Variants in CDH18 observed in about 807,000 individuals in gnomAD.
CDH18 encodes the protein cadherin 18, also known as cadherin-18.
Under a neutral mutation model 67.9 loss-of-function variants are expected in CDH18, and 31 were observed. The ratio of observed to expected loss-of-function variants is 0.46; its 90% CI spans 0.34 to 0.62. CDH18 has a LOEUF of 0.62. Ranked by LOEUF, CDH18 falls within the 20% of genes least tolerant of loss-of-function variation. The pLI, the probability that CDH18 is intolerant of heterozygous loss-of-function variation, is 0.01. For synonymous variants in CDH18, 362 were observed against 347.2 expected, an observed-to-expected ratio of 1.04 and a Z score of -0.48; for missense variants, 890 against 975.5, an observed-to-expected ratio of 0.91 and a Z score of 1.17.
intron 1 of CDH18, among the ~76,000 whole-genome samples, chr5:20,266,413 T>A (rs1745034630): frequency 6.6e-6 from 1 of 152,066 alleles, no homozygotes; most frequent in Middle Eastern, 3.4e-3. Flanking sequence ...AAAGTATGTT[T>A]GTTTGTTTGA....
chr5:20,117,834 T>C (rs887320797), intron 2 of CDH18, among the ~76,000 whole-genome samples: 2 of 152,316 alleles, frequency 1.3e-5, no homozygotes, highest in Admixed American at 6.5e-5. Context: ...GGTAGCAATA[T>C]TGAAAGCACA....
At chr5:20,203,493 C>T (rs573759222) in intron 2 of CDH18, among the ~76,000 whole-genome samples, 2 of 151,822 alleles carry the variant, frequency 1.3e-5, no homozygotes, top group South Asian at 2.1e-4. Context: ...GGACAGGAAG[C>T]GCTTTGATAG....
intron 1 of CDH18, among the ~76,000 whole-genome samples, chr5:20,369,310 T>G (rs1300912209): frequency 6.6e-6 from 1 of 152,188 alleles, no homozygotes; most frequent in Admixed American, 6.6e-5. Flanking sequence ...AACATTTGTC[T>G]CTCAAGTGTC....
intron 5 of CDH18, among the ~76,000 whole-genome samples, chr5:19,651,127 C>T (rs557150825): frequency 1.0e-3 from 153 of 152,024 alleles, no homozygotes; most frequent in Non-Finnish European, 1.6e-3. Context: ...CAATCAAAGA[C>T]GATGTGTGTG....
At chr5:20,376,110 T>TTTTTTTTTTTTTTTTTTTTTTG in intron 1 of CDH18, among the ~76,000 whole-genome samples, 1 of 129,702 alleles carries the variant, frequency 7.7e-6, no homozygotes, top group Non-Finnish European at 1.7e-5. Flanking sequence ...TTTTTTTTTT[T>TTTTTTTTTTTTTTTTTTTTTTG]TGAGACGGAG....
At chr5:19,516,537 G>GGTCTATTC (rs1746036943) in intron 10 of CDH18, among the ~76,000 whole-genome samples, 1 of 152,030 alleles carries the variant, frequency 6.6e-6, no homozygotes, top group Admixed American at 6.6e-5. Context: ...GGCTGTTATT[G>GGTCTATTC]GTCTATTCAG....
At position 19,541,774 on chromosome 5, in the gene CDH18, A is replaced by T. The variant is rs538506285; in HGVS notation, c.1390+2095T>A. Among the ~76,000 whole-genome samples, 8 of 152,266 alleles carry T rather than the reference A, an allele frequency of 5.3e-5. No individual in the cohort carries two copies. The South Asian group carries it at 1.5e-3, about 28-fold the overall frequency. ...CCTCCCATTGGGTCCCTCCGATGAC[A>T]GGTGGGAATTATGCGAGCTACAATT... On this transcript the variant is annotated intron_variant, in intron 9 of 12. Transcript: ENST00000382275.
intron 1 of CDH18, among the ~76,000 whole-genome samples, chr5:20,361,598 C>A (rs1305521786): frequency 1.3e-5 from 2 of 151,986 alleles, no homozygotes; most frequent in African/African-American, 4.8e-5. Context: ...AAACAGATAA[C>A]TAAAATGCCT....
chr5:19,481,369 C>A lies in CDH18; in HGVS notation c.1882+1932G>T, dbSNP rs1033990938. Among the ~76,000 whole-genome samples the A allele has an allele frequency of 2.7e-4, 41 of 152,114 alleles. 1 individual carries two copies. The highest frequency in any genetic ancestry group is 2.1e-4 in the Non-Finnish European group (14 of 68,016). ...TGCAGGTATCTACATTATCAAAGAT[C>A]ATTTTTCTGAGTCCATTGAAAGTAC... On this transcript the variant is annotated intron_variant, in intron 12 of 12. Coordinates refer to ENST00000382275, the MANE Select transcript of CDH18 (RefSeq NM_004934.5).
At chr5:19,590,680 C>T (rs1415053386) in intron 7 of CDH18, among the ~76,000 whole-genome samples, 1 of 152,090 alleles carries the variant, frequency 6.6e-6, no homozygotes, top group East Asian at 1.9e-4. Flanking sequence ...TCCTCTCTGG[C>T]TATAACAGAA....
chr5:19,926,453 T>G (rs1561572955), intron 2 of CDH18, among the ~76,000 whole-genome samples: 1 of 152,158 alleles, frequency 6.6e-6, no homozygotes, highest in Non-Finnish European at 1.5e-5. Flanking sequence ...AGGGACTACA[T>G]GTACTTACTT....
At chr5:20,402,847 G>A (rs1201044163) in intron 1 of CDH18, among the ~76,000 whole-genome samples, 1 of 151,952 alleles carries the variant, frequency 6.6e-6, no homozygotes, top group Admixed American at 6.6e-5. Context: ...GGCGGAGGTT[G>A]CAGTGAGCTG....
intron 5 of CDH18, among the ~76,000 whole-genome samples, chr5:19,636,907 A>G (rs1017072255): frequency 1.3e-5 from 2 of 152,166 alleles, no homozygotes; most frequent in Admixed American, 6.5e-5. Flanking sequence ...ACTTATTTAC[A>G]TAACAATGGA....
intron 3 of CDH18, among the ~76,000 whole-genome samples, chr5:19,796,332 G>C (rs550148383): frequency 6.6e-6 from 1 of 152,044 alleles, no homozygotes; most frequent in African/African-American, 2.4e-5. Context: ...AGCAGCCAGA[G>C]TAAAGTGATG....
rs202029677 is a variant in CDH18, at chr5:20,300,299, T to TGCGC, written c.-579-44795_-579-44794insGCGC. 4.7e-4 allele frequency among the ~76,000 whole-genome samples: 33 copies of TGCGC among 69,872 alleles called. 1 individual carries two copies. The highest frequency in any genetic ancestry group is 1.1e-3 in the African/African-American group (33 of 30,688). 45.8% of individuals were successfully genotyped at this position (69,872 alleles called of 152,430 possible). On this transcript the variant is annotated intron_variant, in intron 1 of 14. Transcript: ENST00000507958. ...ATTTCCACATAGATTAAGTTGTGTG[T>TGCGC]GTGCGTGTGTGTGTGTGTGTGTGTG...
chr5:20,547,147 C>A (rs1215861668), intron 1 of CDH18, among the ~76,000 whole-genome samples: 1 of 152,000 alleles, frequency 6.6e-6, no homozygotes, highest in Non-Finnish European at 1.5e-5. Context: ...TTTAAATTTA[C>A]CGATTCAATT....
intron 1 of CDH18, among the ~76,000 whole-genome samples, chr5:20,423,439 C>T (rs2150162304): frequency 6.6e-6 from 1 of 151,074 alleles, no homozygotes; most frequent in East Asian, 1.9e-4. Context: ...TTGAAATACA[C>T]AGCAAATATT....
rs537745321 is a variant in CDH18, at chr5:19,963,119, A to C, written c.-257+17941T>G. On this transcript the variant is annotated intron_variant, in intron 2 of 12. Coordinates refer to ENST00000382275, the MANE Select transcript of CDH18 (RefSeq NM_004934.5). ...TCAAGCCTCAATAAGCATAGCCCAC[A>C]AATACAAGCTAATGTCTATGTACCC... Among the ~76,000 whole-genome samples the C allele has an allele frequency of 3.3e-5, 5 of 152,298 alleles. 1 individual carries two copies. The South Asian group carries it at 1.0e-3, about 32-fold the overall frequency.
At chr5:20,453,571 ATATG>A (rs1037841855) in intron 1 of CDH18, among the ~76,000 whole-genome samples, 9 of 74,324 alleles carry the variant, frequency 1.2e-4, no homozygotes, top group East Asian at 3.7e-4. Flanking sequence ...GTGTATATAT[ATATG>A]TGTGTGTGTG....
Sources: gnomAD v4.1 joint callset for allele counts (sites outside exome capture counted in the v4.1 genomes callset) on GRCh38, gnomAD v4.1.1 for gene constraint, MANE v1.5 for transcripts, NCBI Gene and HGNC (gene_info 2026-07-23, HGNC 2026-07-21) for gene names.